Variants in ALK observed in about 807,000 individuals in gnomAD.
The protein encoded by ALK is ALK receptor tyrosine kinase.
A neutral mutation model predicts 163.1 loss-of-function variants in ALK; 74 were observed. The observed-to-expected ratio is 0.45, with a 90% CI of 0.38 to 0.55. The LOEUF is 0.55. Ranked by LOEUF, ALK falls within the 20% of genes least tolerant of loss-of-function variation. The pLI, the probability that ALK is intolerant of heterozygous loss-of-function variation, is 0.00. For synonymous variants in ALK, 960 were observed against 843.2 expected (o/e 1.14, Z -2.40); for missense variants, 2,063 against 2,105.3 (o/e 0.98, Z 0.39).
chr2:29,683,815 G>A (rs1158388643), intron 3 of ALK, among the ~76,000 whole-genome samples: 2 of 152,180 alleles, frequency 1.3e-5, no homozygotes, highest in Admixed American at 1.3e-4. Context: ...GCTTCAGGCT[G>A]CTGTGGCTGG....
intron 23 of ALK, among the ~76,000 whole-genome samples, chr2:29,220,238 T>A (rs1669764517): frequency 6.6e-6 from 1 of 152,064 alleles, no homozygotes; most frequent in African/African-American, 2.4e-5. Flanking sequence ...AGTGAGTGAG[T>A]TCTCATGAGA....
rs778015519 is a variant in ALK at position 29,251,203 on chromosome 2, G to A, written c.2106C>T (p.Asn702=). 6.2e-7 allele frequency: 1 copy of A among 1,614,152 alleles called. No individual in the cohort carries two copies. The highest frequency in any genetic ancestry group is 1.1e-5 in the South Asian group (1 of 91,062). ...GPHGPTQAQC[N]NAYQNSNLSV... ...TCAGGTTGGAGTTCTGGTAGGCGTT[G>A]TTGCACTGTGCCTGGGTGGGGCCAT... is the stretch of plus-strand genomic sequence containing the variant. Residue 702 remains asparagine (N), a synonymous_variant, in exon 12 of 29, where the codon AAC becomes AAT. Transcript: ENST00000389048.
chr2:29,409,562 A>G (rs936568843), intron 4 of ALK, among the ~76,000 whole-genome samples: 1 of 152,104 alleles, frequency 6.6e-6, no homozygotes, highest in African/African-American at 2.4e-5. Flanking sequence ...GGAGGACACA[A>G]TTCACAAGCC....
intron 1 of ALK, among the ~76,000 whole-genome samples, chr2:29,895,275 G>A (rs548886610): frequency 2.0e-4 from 31 of 152,294 alleles, no homozygotes; most frequent in African/African-American, 5.3e-4. Context: ...ACTGTGGAGG[G>A]GTGACAACTT....
chr2:29,257,469 C>T (rs1009146108), intron 11 of ALK, among the ~76,000 whole-genome samples: 1 of 151,520 alleles, frequency 6.6e-6, no homozygotes, highest in African/African-American at 2.4e-5. Flanking sequence ...AACAGTACAT[C>T]GCTAAAAAAA....
rs186534715 is a variant in ALK, at chr2:29,647,074, G to A, written c.952+47776C>T. Among the ~76,000 whole-genome samples the A allele has an allele frequency of 7.8e-4, 119 of 152,286 alleles. 1 individual carries two copies. Among genetic ancestry groups the A allele is most frequent in the Non-Finnish European group, 1.2e-4 (8 of 68,020 alleles). On this transcript the variant is annotated intron_variant, in intron 3 of 28. Coordinates refer to ENST00000389048, the MANE Select transcript of ALK (RefSeq NM_004304.5). The stretch of plus-strand genomic sequence containing the variant: ...GGATGAATCCAAGTCTAGTTTCCTT[G>A]TAATATAATATATGGCTCTTCTTCC...
chr2:29,664,381 T>C (rs1355641255), intron 3 of ALK, among the ~76,000 whole-genome samples: 1 of 152,142 alleles, frequency 6.6e-6, no homozygotes, highest in East Asian at 1.9e-4. Context: ...GGTTCTCTTT[T>C]CTTTAGTTAC....
chr2:29,633,397 C>A (rs981092152), intron 3 of ALK, among the ~76,000 whole-genome samples: 3 of 151,864 alleles, frequency 2.0e-5, no homozygotes, highest in East Asian at 3.9e-4. Context: ...AGATTAAAAT[C>A]GAAATTTGTG....
Position 29,786,695 on chromosome 2 carries a change from G to A in ALK, c.668-68998C>T, listed in dbSNP as rs77783961. Among the ~76,000 whole-genome samples, 1,236 of 152,308 alleles carry A rather than the reference G, an allele frequency of 8.1e-3. 20 individuals are homozygous for A. The highest frequency in any genetic ancestry group is 0.028 in the African/African-American group (1,182 of 41,562). On this transcript the variant is annotated intron_variant, in intron 1 of 28. Transcript: ENST00000389048. Reference sequence around the variant, plus strand: ...CCCAAAGTCCAGGTGGAAAATAAATGCTAATGAAAAGTTCCCTTGTATTCA... The same window carrying A: ...CCCAAAGTCCAGGTGGAAAATAAATACTAATGAAAAGTTCCCTTGTATTCA...
intron 1 of ALK, among the ~76,000 whole-genome samples, chr2:29,761,725 G>A (rs913609640): frequency 6.6e-6 from 1 of 152,196 alleles, no homozygotes; most frequent in African/African-American, 2.4e-5. Context: ...ATACGTAGAT[G>A]ACCCCATCTG....
chr2:29,243,794 C>T (rs1444260900), intron 12 of ALK, among the ~76,000 whole-genome samples: 2 of 152,166 alleles, frequency 1.3e-5, no homozygotes, highest in Non-Finnish European at 2.9e-5. Flanking sequence ...GGTTGAGAAA[C>T]AACAAGAAAT....
At position 29,717,715 on chromosome 2, in the gene ALK, G is replaced by T; in HGVS notation, c.668-18C>A. On this transcript the variant is annotated intron_variant, in intron 1 of 28. Coordinates refer to ENST00000389048, the MANE Select transcript of ALK (RefSeq NM_004304.5). ...GCTATGACCTGGACATAAAAATAAA[G>T]AAAACACTGATCCATGTGCTTGGGG... 6.2e-7 allele frequency: 1 copy of T among 1,613,960 alleles called. No individual in the cohort carries two copies. Among genetic ancestry groups the T allele is most frequent in the Non-Finnish European group, 8.5e-7 (1 of 1,179,926 alleles).
At position 29,232,329 on chromosome 2, in the gene ALK, C is replaced by T; in HGVS notation, c.2607G>A (p.Gly869=). 2 of 1,614,260 alleles carry T rather than the reference C, an allele frequency of 1.2e-6. No homozygotes were observed. The highest frequency in any genetic ancestry group is 1.7e-6 in the Non-Finnish European group (2 of 1,180,052). The change falls in exon 15 of 29, where the codon GGG becomes GGA. Residue 869 remains glycine, a synonymous_variant. Transcript: ENST00000389048. The part of the protein sequence containing the change: ...ERLENNSSVL[G]LNGNSGAAGG... Reference sequence around the variant, plus strand: ...CTGCGGCTCCGGAATTGCCGTTTAGCCCTAGAACCGAGGAGTTATTCTCCA... The same window carrying T: ...CTGCGGCTCCGGAATTGCCGTTTAGTCCTAGAACCGAGGAGTTATTCTCCA...
intron 3 of ALK, among the ~76,000 whole-genome samples, chr2:29,676,967 A>G (rs1200868926): frequency 6.6e-6 from 1 of 151,908 alleles, no homozygotes; most frequent in African/African-American, 2.4e-5. Context: ...TAGTTTTTTA[A>G]TATTGATTTT....
intron 1 of ALK, among the ~76,000 whole-genome samples, chr2:29,918,969 T>C (rs990241986): frequency 1.3e-5 from 2 of 152,206 alleles, no homozygotes; most frequent in East Asian, 1.9e-4. Flanking sequence ...TCCCCAGTTG[T>C]CTTACAAGAA....
chr2:29,327,683 A>G (rs1190870219), intron 6 of ALK, among the ~76,000 whole-genome samples: 1 of 152,234 alleles, frequency 6.6e-6, no homozygotes, highest in African/African-American at 2.4e-5. Context: ...AGGGAATTGT[A>G]CACTTGAAGT....
rs371357483 is a variant in ALK at position 29,202,561 on chromosome 2, AT to A, written c.3938+4609del. 3.6e-3 allele frequency among the ~76,000 whole-genome samples: 549 copies of A among 152,370 alleles called. 7 individuals are homozygous for A. The highest frequency in any genetic ancestry group is 0.012 in the African/African-American group (504 of 41,596). On this transcript the variant is annotated intron_variant, in intron 26 of 28. Coordinates refer to ENST00000389048, the MANE Select transcript of ALK (RefSeq NM_004304.5). ...TGTATCCTACAATTGTATGTTTCAC[AT>A]TTTTAAACAATGCGTGAAAGCGCAA...
At chr2:29,905,147 G>A (rs960626018) in intron 1 of ALK, among the ~76,000 whole-genome samples, 1 of 152,172 alleles carries the variant, frequency 6.6e-6, no homozygotes, top group African/African-American at 2.4e-5. Context: ...GTAATTTCTT[G>A]ATGTTATCAA....
At chr2:29,897,906 G>T (rs1337189292) in intron 1 of ALK, among the ~76,000 whole-genome samples, 2 of 152,112 alleles carry the variant, frequency 1.3e-5, no homozygotes, top group African/African-American at 4.8e-5. Flanking sequence ...CTAGCCCAGT[G>T]TGCAGGCTTG....
Sources: allele counts gnomAD v4.1 joint callset (sites outside exome capture counted in the v4.1 genomes callset), GRCh38; gene constraint gnomAD v4.1.1; transcripts MANE v1.5; gene names NCBI Gene and HGNC (gene_info 2026-07-23, HGNC 2026-07-21).